Variants in DISP1 observed in about 807,000 individuals in gnomAD.
DISP1 encodes dispatched RND transporter family member 1, also known as protein dispatched homolog 1.
A neutral mutation model predicts 37.3 loss-of-function variants in DISP1; 30 were observed. That is an observed-to-expected ratio of 0.80 (90% CI 0.60 to 1.09). The LOEUF (loss-of-function observed/expected upper bound fraction) is 1.09, where lower values mean the gene tolerates loss of function less well. Among genes scored for constraint, DISP1 ranks in the 50% least tolerant of loss-of-function variants. The pLI is 0.00. For missense variants in DISP1, 1,598 were observed against 1,879.5 expected (o/e 0.85, Z 2.77); for synonymous variants, 634 against 690.2 (o/e 0.92, Z 1.28).
rs149708169 is a variant in DISP1 at position 222,863,741 on chromosome 1, T to C, written c.-159+48663T>C. ...ATAGATACTTATTTTATTCAATGAG[T>C]TGTAATCCATTGCTGTCATTAATTA... On this transcript the variant is annotated intron_variant, in intron 1 of 8. Transcript: ENST00000675850. 8.7e-4 allele frequency among the ~76,000 whole-genome samples: 133 copies of C among 152,296 alleles called. No homozygotes were observed. In the East Asian group the frequency reaches 0.019, roughly 21 times the overall value.
Position 222,882,361 on chromosome 1 carries a change from G to T in DISP1, c.-158-46069G>T, listed in dbSNP as rs370227834. Among the ~76,000 whole-genome samples the T allele has an allele frequency of 2.0e-4, 31 of 152,198 alleles. No homozygotes were observed. The East Asian group carries it at 4.2e-3, about 21-fold the overall frequency. On this transcript the variant is annotated intron_variant, in intron 1 of 8. Coordinates refer to ENST00000675850, the MANE Select transcript of DISP1 (RefSeq NM_001377229.1). ...GAGAATTTTTCTTCACTACTAGAGG[G>T]TTATTCCAGTCATCTGCACTACAAA... is the stretch of plus-strand genomic sequence containing the variant.
intron 1 of DISP1, among the ~76,000 whole-genome samples, chr1:222,887,206 C>A (rs1186367818): frequency 6.6e-6 from 1 of 152,148 alleles, no homozygotes; most frequent in East Asian, 1.9e-4. Flanking sequence ...GTGTATTACC[C>A]TCTTACACTT....
intron 2 of DISP1, among the ~76,000 whole-genome samples, chr1:222,936,139 C>T (rs923180659): frequency 6.6e-5 from 10 of 152,042 alleles, no homozygotes; most frequent in African/African-American, 2.4e-4. Flanking sequence ...CAGTTGTCTA[C>T]AGTATTTAGT....
intron 1 of DISP1, among the ~76,000 whole-genome samples, chr1:222,884,509 A>T (rs990163093): frequency 6.6e-6 from 1 of 152,024 alleles, no homozygotes; most frequent in East Asian, 1.9e-4. Flanking sequence ...AGCATTTTTA[A>T]GGTTTCTTTT....
intron 1 of DISP1, among the ~76,000 whole-genome samples, chr1:222,845,292 G>A (rs906290111): frequency 2.0e-5 from 3 of 152,014 alleles, no homozygotes; most frequent in Admixed American, 6.6e-5. Context: ...TTCTTCATCC[G>A]TTCATTTGTC....
intron 3 of DISP1, among the ~76,000 whole-genome samples, chr1:222,965,940 G>A (rs955357431): frequency 6.6e-6 from 1 of 152,030 alleles, no homozygotes; most frequent in East Asian, 1.9e-4. Context: ...GAGGAGGGAG[G>A]GAGGATCACT....
chr1:222,967,261 T>A (rs1187296202), intron 3 of DISP1, among the ~76,000 whole-genome samples: 1 of 152,218 alleles, frequency 6.6e-6, no homozygotes, highest in Non-Finnish European at 1.5e-5. Flanking sequence ...ATGATCACAT[T>A]CTTGCACCTG....
intron 7 of DISP1, among the ~76,000 whole-genome samples, chr1:222,994,097 A>G (rs1451099102): frequency 6.6e-6 from 1 of 152,164 alleles, no homozygotes; most frequent in Non-Finnish European, 1.5e-5. Context: ...CAGAAACAAT[A>G]TTGTTGGGCA....
chr1:222,939,210 T>G (rs1572563807), intron 2 of DISP1, among the ~76,000 whole-genome samples: 1 of 152,130 alleles, frequency 6.6e-6, no homozygotes, highest in Non-Finnish European at 1.5e-5. Context: ...CATTTTACCA[T>G]GTGGAAAAAA....
At chr1:222,954,878 C>T (rs970293621) in intron 3 of DISP1, among the ~76,000 whole-genome samples, 5 of 151,686 alleles carry the variant, frequency 3.3e-5, no homozygotes, top group Non-Finnish European at 7.4e-5. Context: ...AATAAATGAA[C>T]AGGAGTGCAA....
intron 3 of DISP1, among the ~76,000 whole-genome samples, chr1:222,944,911 G>A (rs2039780): frequency 0.35 from 53,375 of 152,032 alleles, 10,292 homozygotes; most frequent in Middle Eastern, 0.5. Flanking sequence ...TCATGGCTGC[G>A]GGGATTACAG....
chr1:222,991,985 T>G, intron 6 of DISP1, 28 bp from the exon 7 acceptor site: 1 of 1,553,760 alleles, frequency 6.4e-7, no homozygotes, highest in African/African-American at 1.4e-5. Flanking sequence ...AGAACTTTAT[T>G]GAAGATCAAA....
rs1234026222 is a variant in DISP1 at position 222,943,032 on chromosome 1, A to G, written c.209A>G (p.Asp70Gly). ...GTCAAATCATCCTTTCTGCCTTTAG[A>G]CAACCAAAGAATGCCTCAGATGTTA... ...GTVKSSFLPL[D>G]NQRMPQMLPQ... The change falls in exon 3 of 9, where the codon GAC (aspartate) becomes GGC (glycine). Residue 70 changes from aspartate (D) to glycine (G), a missense_variant. Transcript: ENST00000675850. 6.2e-7 allele frequency: 1 copy of G among 1,614,036 alleles called. No individual in the cohort carries two copies. Among genetic ancestry groups the G allele is most frequent in the Non-Finnish European group, 8.5e-7 (1 of 1,180,036 alleles).
chr1:222,840,805 G>A (rs1052496528), intron 1 of DISP1, among the ~76,000 whole-genome samples: 37 of 151,650 alleles, frequency 2.4e-4, no homozygotes, highest in African/African-American at 8.2e-4. Context: ...CTTGTGATCC[G>A]CCCACCTCGG....
chr1:222,935,566 A>G (rs1673669522), intron 2 of DISP1, among the ~76,000 whole-genome samples: 1 of 152,096 alleles, frequency 6.6e-6, no homozygotes, highest in African/African-American at 2.4e-5. Context: ...AGGAGGATCA[A>G]CTCAAGTGAG....
At chr1:222,865,529 A>C (rs1669135335) in intron 1 of DISP1, among the ~76,000 whole-genome samples, 1 of 152,198 alleles carries the variant, frequency 6.6e-6, no homozygotes. Context: ...GAAAAGCTGA[A>C]ATGCTGCAAT....
At chr1:222,972,395 C>G (rs1172951416) in intron 3 of DISP1, among the ~76,000 whole-genome samples, 1 of 152,100 alleles carries the variant, frequency 6.6e-6, no homozygotes. Context: ...GCTAATTCAT[C>G]CTACACATTG....
chr1:222,986,815 G>A (rs1229657315), intron 4 of DISP1, among the ~76,000 whole-genome samples: 1 of 152,082 alleles, frequency 6.6e-6, no homozygotes, highest in Non-Finnish European at 1.5e-5. Context: ...CCGGGAAAAG[G>A]GTCTTTCACT....
Position 222,877,308 on chromosome 1 carries a change from A to G in DISP1, c.-158-51122A>G, listed in dbSNP as rs145090525. On this transcript the variant is annotated intron_variant, in intron 1 of 8. Transcript: ENST00000675850. ...TTCTCCATGGCTGGGGAGGCTTACA[A>G]TCATGGCGGAAGGCAAAGAGGAGCA... 2.9e-3 allele frequency among the ~76,000 whole-genome samples: 436 copies of G among 152,282 alleles called. 2 individuals carry two copies. Among genetic ancestry groups the G allele is most frequent in the African/African-American group, 9.9e-3 (413 of 41,554 alleles).
Sources: allele counts gnomAD v4.1 joint callset (sites outside exome capture counted in the v4.1 genomes callset), GRCh38; gene constraint gnomAD v4.1.1; transcripts MANE v1.5; gene names NCBI Gene and HGNC (gene_info 2026-07-23, HGNC 2026-07-21).